TMEM26: variants seen among roughly 807,000 people sequenced by gnomAD.
The protein encoded by TMEM26 is transmembrane protein 26.
TMEM26 carries 38 observed loss-of-function variants against 28.8 expected under a neutral mutation model. That is an observed-to-expected ratio of 1.32 (90% CI 1.02 to 1.73). TMEM26 has a LOEUF of 1.73. Among genes scored for constraint, TMEM26 ranks in the 40% most tolerant of loss-of-function variants. TMEM26 has a pLI of 0.00. For synonymous variants in TMEM26, 227 were observed against 182.9 expected (o/e 1.24, Z -1.95); for missense variants, 518 against 447.1 (o/e 1.16, Z -1.43).
chr10:61,430,061 G>C (rs4948454), intron 3 of TMEM26, among the ~76,000 whole-genome samples: 1 of 151,890 alleles, frequency 6.6e-6, no homozygotes, highest in East Asian at 1.9e-4. Context: ...TATTCCATCT[G>C]TACGCTTTCT....
intron 1 of TMEM26, 57 bp downstream of exon 1, chr10:61,452,834 G>C (rs1840311539): frequency 6.5e-6 from 10 of 1,549,316 alleles, no homozygotes; most frequent in Non-Finnish European, 7.9e-6. Flanking sequence ...CTGCGAGTGC[G>C]GTGGGGGACA....
At position 61,452,988 on chromosome 10, in the gene TMEM26, T is replaced by A; in HGVS notation, c.94A>T (p.Lys32Ter). 6.2e-7 allele frequency: 1 copy of A among 1,613,950 alleles called. No individual in the cohort carries two copies. The highest frequency in any genetic ancestry group is 8.5e-7 in the Non-Finnish European group (1 of 1,179,994). ...GCAAGCAGCCAGTACCGCGGCTCCT[T>A]CTTCACCTCGGTCACTCGCCAGACC... ...VGVWRVTEVKKEPRYWLLALL... is the reference protein window; with the variant it reads ...VGVWRVTEVK The change falls in exon 1 of 6, where the codon AAG becomes TAG. Residue 32 changes from lysine to a stop codon, truncating the protein, a stop_gained. Transcript: ENST00000399298. LOFTEE classifies it high-confidence loss of function.
intron 1 of TMEM26, among the ~76,000 whole-genome samples, chr10:61,445,965 G>A (rs1253316702): frequency 1.3e-5 from 2 of 152,030 alleles, no homozygotes; most frequent in Non-Finnish European, 1.5e-5. Context: ...AGCTGCCCAT[G>A]CTAATTTGTA....
At position 61,407,120 on chromosome 10, in the gene TMEM26, A is replaced by G. The variant is rs890506735; in HGVS notation, c.*3202T>C. 6.6e-6 allele frequency: 1 copy of G among 152,174 alleles called. No homozygotes were observed. The highest frequency in any genetic ancestry group is 2.4e-5 in the African/African-American group (1 of 41,460). The allele number at this position is 152,174 out of a possible 1,614,324, so 9.4% of individuals were successfully genotyped here. ...GCATTTGCAATTCTTTCTCTCCTGT[A>G]ACAGGAAAAGTTGGTTAAGAATTAT... On this transcript the variant is annotated 3_prime_UTR_variant, in exon 6 of 6. Transcript: ENST00000399298.
At chr10:61,438,408 G>A (rs555950660) in intron 1 of TMEM26, among the ~76,000 whole-genome samples, 1 of 152,238 alleles carries the variant, frequency 6.6e-6, no homozygotes, top group South Asian at 2.1e-4. Context: ...GGGACAGTAG[G>A]AATATGCATA....
At chr10:61,410,810 A>T (rs1839558178) in intron 5 of TMEM26, 64 bp from the exon 6 acceptor site, 1 of 1,511,108 alleles carries the variant, frequency 6.6e-7, no homozygotes, top group Non-Finnish European at 9.0e-7. Context: ...AGACAATGCC[A>T]TGGGGACGAG....
intron 4 of TMEM26, among the ~76,000 whole-genome samples, chr10:61,421,994 A>G (rs539759681): frequency 6.6e-6 from 1 of 152,258 alleles, no homozygotes; most frequent in East Asian, 1.9e-4. Flanking sequence ...CTATGCCAAC[A>G]TAAGAAAGCT....
At chr10:61,417,466 T>A (rs1476198258) in intron 4 of TMEM26, among the ~76,000 whole-genome samples, 1 of 82,556 alleles carries the variant, frequency 1.2e-5, no homozygotes, top group South Asian at 4.5e-4. Flanking sequence ...ATTCATCTAG[T>A]TTTTTTTTTT....
intron 2 of TMEM26, among the ~76,000 whole-genome samples, chr10:61,433,133 T>A (rs75573734): frequency 0.015 from 2,254 of 152,256 alleles, 47 homozygotes; most frequent in East Asian, 0.08. Context: ...TTTAAGAAAA[T>A]AGGCCATGCT....
At chr10:61,449,162 G>A (rs1005846294) in intron 1 of TMEM26, among the ~76,000 whole-genome samples, 2 of 152,070 alleles carry the variant, frequency 1.3e-5, no homozygotes, top group African/African-American at 4.8e-5. Flanking sequence ...GTGAAAAAAA[G>A]CAAACTCCAG....
intron 1 of TMEM26, among the ~76,000 whole-genome samples, chr10:61,441,135 G>A (rs981832296): frequency 2.0e-5 from 3 of 152,040 alleles, no homozygotes; most frequent in Non-Finnish European, 2.9e-5. Flanking sequence ...CGCAGATGTG[G>A]AGCCTGCATA....
chr10:61,421,883 G>A (rs1839755258), intron 4 of TMEM26, among the ~76,000 whole-genome samples: 1 of 151,912 alleles, frequency 6.6e-6, no homozygotes, highest in South Asian at 2.1e-4. Context: ...ACTTAACTGG[G>A]GAGGAAAATG....
At chr10:61,413,575 A>G (rs1223604766) in intron 4 of TMEM26, 40 bp from the exon 5 acceptor site, 6 of 1,568,420 alleles carry the variant, frequency 3.8e-6, no homozygotes, top group Non-Finnish European at 5.2e-6. Flanking sequence ...AATAAAAAGT[A>G]TGATCACATG....
At chr10:61,448,512 G>T (rs140215153) in intron 1 of TMEM26, among the ~76,000 whole-genome samples, 1 of 152,272 alleles carries the variant, frequency 6.6e-6, no homozygotes, top group African/African-American at 2.4e-5. Flanking sequence ...GATTCTGGAA[G>T]ATAGGAAATG....
chr10:61,408,889 T>TA lies in TMEM26; in HGVS notation c.*1432dup, dbSNP rs1385648040. ...CACAATTTGTCTATAAAAGTTTGTA[T>TA]AAAATGTTTCGAATAGGTATCATGT... On this transcript the variant is annotated 3_prime_UTR_variant, in exon 6 of 6. Coordinates refer to ENST00000399298, the MANE Select transcript of TMEM26 (RefSeq NM_178505.8). 3.3e-5 allele frequency: 5 copies of TA among 152,200 alleles called. No individual in the cohort carries two copies. Among genetic ancestry groups the TA allele is most frequent in the Admixed American group, 6.5e-5 (1 of 15,280 alleles). 9.4% of individuals were successfully genotyped at this position (152,200 alleles called of 1,614,324 possible).
rs1839879834 is a variant in TMEM26 at position 61,429,113 on chromosome 10, A to G, written c.418T>C (p.Cys140Arg). The change falls in exon 4 of 6, where the codon TGT becomes CGT. Residue 140 changes from cysteine to arginine, a missense_variant. Physicochemically the swap from Cys to Arg is radical, Grantham distance 180. Transcript: ENST00000399298. ...AGTCCCAATGTCCAAACTTTCTCAC[A>G]TACTGTAGATAAGTTATTCACAAAA... The part of the protein sequence containing the change: ...KVFVNNLSTV[C>R]EKVWTLGLHQ... 2 of 1,612,996 alleles carry G rather than the reference A, an allele frequency of 1.2e-6. No individual in the cohort carries two copies. Among genetic ancestry groups the G allele is most frequent in the Admixed American group, 1.7e-5 (1 of 59,912 alleles).
chr10:61,452,792 C>A (rs1210000960), intron 1 of TMEM26, 99 bp downstream of exon 1: 12 of 1,416,186 alleles, frequency 8.5e-6, no homozygotes, highest in Non-Finnish European at 1.1e-5. Flanking sequence ...GGTCCAAATT[C>A]GAGTAGAATC....
intron 1 of TMEM26, among the ~76,000 whole-genome samples, chr10:61,444,763 A>T (rs1195442658): frequency 6.6e-6 from 1 of 152,140 alleles, no homozygotes. Context: ...AAAACATAAC[A>T]AATAAGTTGA....
chr10:61,412,253 T>G (rs1426474883), intron 5 of TMEM26, among the ~76,000 whole-genome samples: 1 of 152,058 alleles, frequency 6.6e-6, no homozygotes, highest in African/African-American at 2.4e-5. Context: ...AAAATCTGTG[T>G]GTGTGTGTGT....
Sources: allele counts gnomAD v4.1 joint callset (sites outside exome capture counted in the v4.1 genomes callset), GRCh38; gene constraint gnomAD v4.1.1; transcripts MANE v1.5; gene names NCBI Gene and HGNC (gene_info 2026-07-23, HGNC 2026-07-21).